CANX: variants seen among roughly 807,000 people sequenced by gnomAD.
CANX encodes the protein epididymis secretory sperm binding protein.
CANX carries 14 observed loss-of-function variants against 75.7 expected under a neutral mutation model. That is an observed-to-expected ratio of 0.19 (90% CI 0.12 to 0.29). The LOEUF (loss-of-function observed/expected upper bound fraction) is 0.29. Ranked by LOEUF, CANX falls within the 10% of genes least tolerant of loss-of-function variation. The probability of loss-of-function intolerance (pLI) is 1.00; values close to 1 mark genes in which losing one functional copy is unlikely to be tolerated. For missense variants in CANX, 567 were observed against 713.2 expected, an observed-to-expected ratio of 0.79 and a Z score of 2.34; for synonymous variants, 227 against 236.9, an observed-to-expected ratio of 0.96 and a Z score of 0.38.
chr5:179,724,331 A>C (rs1217615808), intron 12 of CANX, among the ~76,000 whole-genome samples: 4 of 151,966 alleles, frequency 2.6e-5, no homozygotes, highest in African/African-American at 9.7e-5. Flanking sequence ...CATTCATAGC[A>C]CTTTGTAACT....
intron 7 of CANX, among the ~76,000 whole-genome samples, chr5:179,710,899 A>G (rs1488693502): frequency 1.3e-5 from 2 of 151,270 alleles, no homozygotes; most frequent in African/African-American, 4.8e-5. Context: ...CTAAAAATAC[A>G]AAAATTAGCT....
chr5:179,709,806 T>C (rs1429235670), intron 6 of CANX, 67 bp from the exon 7 acceptor site: 1 of 1,032,064 alleles, frequency 9.7e-7, no homozygotes, highest in Non-Finnish European at 1.4e-6. Context: ...TATCATACAC[T>C]TTTGAAACGT....
intron 12 of CANX, among the ~76,000 whole-genome samples, chr5:179,724,293 T>C (rs1478228573): frequency 6.6e-6 from 1 of 152,170 alleles, no homozygotes; most frequent in African/African-American, 2.4e-5. Flanking sequence ...ACTCTACTTC[T>C]GCTAAATGAG....
intron 3 of CANX, among the ~76,000 whole-genome samples, chr5:179,706,714 C>T (rs987526877): frequency 1.3e-5 from 2 of 152,168 alleles, no homozygotes; most frequent in African/African-American, 4.8e-5. Context: ...GCCTTAGCCT[C>T]CCAAATTGTT....
intron 1 of CANX, among the ~76,000 whole-genome samples, chr5:179,689,108 G>T (rs1184358803): frequency 1.3e-5 from 2 of 152,004 alleles, no homozygotes; most frequent in African/African-American, 4.8e-5. Flanking sequence ...TAAAAAATTA[G>T]CTGGGCATGG....
intron 7 of CANX, among the ~76,000 whole-genome samples, chr5:179,714,765 T>C (rs555416085): frequency 2.8e-4 from 42 of 151,824 alleles, no homozygotes; most frequent in Non-Finnish European, 4.9e-4. Flanking sequence ...GATTCGCCCG[T>C]CTCGGCCTCC....
At chr5:179,690,378 C>G (rs1415972730) in intron 1 of CANX, among the ~76,000 whole-genome samples, 1 of 149,576 alleles carries the variant, frequency 6.7e-6, no homozygotes, top group Non-Finnish European at 1.5e-5. Flanking sequence ...GAGTTCAAGA[C>G]CAGCCTGGCC....
At chr5:179,713,307 G>A (rs974427765) in intron 7 of CANX, among the ~76,000 whole-genome samples, 3 of 152,062 alleles carry the variant, frequency 2.0e-5, no homozygotes, top group African/African-American at 7.2e-5. Flanking sequence ...TTGGCCATCT[G>A]TTGATCCGCC....
intron 1 of CANX, among the ~76,000 whole-genome samples, chr5:179,684,880 C>G (rs1776156849): frequency 6.7e-6 from 1 of 148,662 alleles, no homozygotes; most frequent in African/African-American, 2.5e-5. Flanking sequence ...CCTCAGCCTC[C>G]TAAGTGGGAT....
chr5:179,687,552 A>G (rs2113040385), intron 1 of CANX, among the ~76,000 whole-genome samples: 1 of 152,272 alleles, frequency 6.6e-6, no homozygotes, highest in Admixed American at 6.5e-5. Context: ...TTTGATTGTC[A>G]GTGTTCACAA....
chr5:179,720,708 C>G, intron 10 of CANX, 148 bp downstream of exon 10: 2 of 672,566 alleles, frequency 3.0e-6, no homozygotes, highest in Non-Finnish European at 5.3e-6. Context: ...TGAAAGAGAG[C>G]TTAATGGGTT....
At chr5:179,684,002 G>T (rs1156838640) in intron 1 of CANX, among the ~76,000 whole-genome samples, 1 of 152,058 alleles carries the variant, frequency 6.6e-6, no homozygotes, top group Non-Finnish European at 1.5e-5. Flanking sequence ...TGCACATTTG[G>T]GTTGTTTCCA....
At chr5:179,726,367 G>A (rs1455328774) in intron 13 of CANX, among the ~76,000 whole-genome samples, 5 of 152,040 alleles carry the variant, frequency 3.3e-5, no homozygotes, top group African/African-American at 1.2e-4. Flanking sequence ...ATGAGGTCAG[G>A]AGATCGAGAC....
chr5:179,694,794 A>C (rs1377402322), upstream of CANX: 1 of 546,832 alleles, frequency 1.8e-6, no homozygotes, highest in African/African-American at 1.9e-5. Context: ...GTCAAAAAAA[A>C]AAAAGTAAAT....
Position 179,699,003 on chromosome 5 carries a change from A to G in CANX, c.-103A>G. The G allele has an allele frequency of 1.8e-6, 2 of 1,118,882 alleles. No homozygotes were observed. The highest frequency in any genetic ancestry group is 2.2e-6 in the Non-Finnish European group (2 of 908,790). 69.3% of individuals were successfully genotyped at this position (1,118,882 alleles called of 1,614,324 possible). On this transcript the variant is annotated 5_prime_UTR_variant, in exon 1 of 15. Transcript: ENST00000247461. Reference sequence around the variant, plus strand: ...AGGCCTCTTGGTTCTGCGGCACGTGACGGTCGGGCCGCCTCCGCCTCTCTC... The same window carrying G: ...AGGCCTCTTGGTTCTGCGGCACGTGGCGGTCGGGCCGCCTCCGCCTCTCTC...
At chr5:179,723,102 C>A in intron 11 of CANX, 83 bp downstream of exon 11, 2 of 1,184,954 alleles carry the variant, frequency 1.7e-6, no homozygotes, top group Non-Finnish European at 1.2e-6. Context: ...GGTTTTTTTT[C>A]TTCATTTGGC....
chr5:179,709,698 TTAC>T (rs1475181483), intron 6 of CANX, 172 bp from the exon 7 acceptor site: 5 of 480,740 alleles, frequency 1.0e-5, no homozygotes, highest in Non-Finnish European at 3.7e-6. Context: ...TATTTTAAAT[TTAC>T]TGATGATTGC....
intron 14 of CANX, among the ~76,000 whole-genome samples, chr5:179,727,944 A>G (rs1778768742): frequency 1.3e-5 from 2 of 152,194 alleles, no homozygotes; most frequent in South Asian, 2.1e-4. Flanking sequence ...TCTCCCGGAA[A>G]GCTCTCCTCA....
At chr5:179,694,622 A>C, upstream of CANX, 1 of 953,038 alleles carries the variant, frequency 1.0e-6, no homozygotes, top group Non-Finnish European at 1.7e-6. Context: ...CTAAGACGGC[A>C]AAGCTGAAGG....
Sources: gnomAD v4.1 joint callset for allele counts (sites outside exome capture counted in the v4.1 genomes callset) on GRCh38, gnomAD v4.1.1 for gene constraint, MANE v1.5 for transcripts, NCBI Gene and HGNC (gene_info 2026-07-23, HGNC 2026-07-21) for gene names.